The following DENND1B variants were observed in gnomAD, a reference collection of about 807,000 sequenced individuals.
DENND1B encodes the protein DENN domain containing 1B.
In DENND1B, 59 loss-of-function variants were observed where a neutral mutation model predicts 90.1. That is an observed-to-expected ratio of 0.65 (90% confidence interval 0.53 to 0.81). DENND1B has a LOEUF of 0.81. DENND1B is among the 40% of genes least tolerant of loss of function. DENND1B has a pLI of 0.00. For synonymous variants in DENND1B, 337 were observed against 324.6 expected (o/e 1.04, Z -0.41); for missense variants, 862 against 912.6 (o/e 0.94, Z 0.71).
chr1:197,642,649 T>A, intron 10 of DENND1B, 62 bp downstream of exon 10: 1 of 1,202,536 alleles, frequency 8.3e-7, no homozygotes, highest in Non-Finnish European at 1.2e-6. Context: ...TCTGCAAAGG[T>A]TTTTAGGTCT....
intron 2 of DENND1B, among the ~76,000 whole-genome samples, chr1:197,756,239 C>T (rs190135293): frequency 6.6e-6 from 1 of 152,132 alleles, no homozygotes; most frequent in African/African-American, 2.4e-5. Flanking sequence ...CCTACCAGGC[C>T]AGACGCTGTT....
chr1:197,714,063 A>G (rs1044263215), intron 3 of DENND1B, among the ~76,000 whole-genome samples: 9 of 141,708 alleles, frequency 6.4e-5, no homozygotes, highest in Non-Finnish European at 1.4e-4. Context: ...TGCAACCTCC[A>G]CTTCCCAGGT....
chr1:197,552,586 A>G, intron 16 of DENND1B: 1 of 987,888 alleles, frequency 1.0e-6, no homozygotes, highest in Non-Finnish European at 1.2e-6. Context: ...ACAGTTACTT[A>G]AATATGTATA....
intron 14 of DENND1B, among the ~76,000 whole-genome samples, chr1:197,593,786 C>T (rs1370365932): frequency 1.3e-5 from 2 of 152,002 alleles, no homozygotes; most frequent in Admixed American, 6.6e-5. Flanking sequence ...AAGATGAATA[C>T]GTACTTAAAT....
chr1:197,511,503 T>C (rs1668025473), intron 22 of DENND1B, among the ~76,000 whole-genome samples: 1 of 151,678 alleles, frequency 6.6e-6, no homozygotes, highest in South Asian at 2.1e-4. Context: ...ATAATTTCAA[T>C]TAATGACAAT....
intron 10 of DENND1B, among the ~76,000 whole-genome samples, chr1:197,633,286 C>A (rs1209810143): frequency 6.6e-6 from 1 of 152,116 alleles, no homozygotes; most frequent in African/African-American, 2.4e-5. Flanking sequence ...TAGAAGGGTA[C>A]AAACAGAGGC....
chr1:197,716,547 T>C (rs976416479), intron 2 of DENND1B, among the ~76,000 whole-genome samples: 2 of 151,822 alleles, frequency 1.3e-5, no homozygotes, highest in Admixed American at 6.6e-5. Flanking sequence ...TAGACATATA[T>C]TTATATGGCA....
chr1:197,660,245 T>A (rs1161774554), intron 5 of DENND1B, among the ~76,000 whole-genome samples: 1 of 152,028 alleles, frequency 6.6e-6, no homozygotes, highest in Non-Finnish European at 1.5e-5. Context: ...TATTTTATTA[T>A]CTTTGTAGCA....
intron 2 of DENND1B, among the ~76,000 whole-genome samples, chr1:197,759,444 A>G (rs1253572976): frequency 1.3e-5 from 2 of 151,204 alleles, no homozygotes; most frequent in Non-Finnish European, 2.9e-5. Context: ...CACCAAATAT[A>G]TTCAAGATAA....
In DENND1B at chr1:197,775,424, G is replaced by T. The variant is rs926031872; in HGVS notation, c.-269C>A. On this transcript the variant is annotated 5_prime_UTR_variant, in exon 1 of 23. Transcript: ENST00000620048. ...TCCGCCGGTAGCCGCCACCAAAGCT[G>T]AGGCCTCTCAGTTCCTGCGACCGGG... 3 of 310,978 alleles carry T rather than the reference G, an allele frequency of 9.6e-6. No individual in the cohort carries two copies. The highest frequency in any genetic ancestry group is 2.2e-5 in the African/African-American group (1 of 45,570). The allele number at this position is 310,978 out of a possible 1,614,324, so 19.3% of individuals were successfully genotyped here.
chr1:197,611,418 T>C (rs1388584141), intron 12 of DENND1B, among the ~76,000 whole-genome samples: 1 of 150,752 alleles, frequency 6.6e-6, no homozygotes, highest in Non-Finnish European at 1.5e-5. Flanking sequence ...AATTACTAAA[T>C]TTTATATTCC....
At chr1:197,705,285 T>C (rs74366937) in intron 3 of DENND1B, among the ~76,000 whole-genome samples, 2,663 of 152,254 alleles carry the variant, frequency 0.017, 75 homozygotes, top group African/African-American at 0.06. Flanking sequence ...TAGATTCCCA[T>C]GTAAAGCTTG....
chr1:197,513,619 T>G (rs1379920101), intron 20 of DENND1B, among the ~76,000 whole-genome samples: 1 of 151,600 alleles, frequency 6.6e-6, no homozygotes, highest in Non-Finnish European at 1.5e-5. Context: ...TAACAACTTT[T>G]TAAAAAACAT....
intron 2 of DENND1B, among the ~76,000 whole-genome samples, chr1:197,742,603 G>A (rs529304030): frequency 1.3e-5 from 2 of 152,100 alleles, no homozygotes; most frequent in Non-Finnish European, 2.9e-5. Context: ...TAAAAGTTGA[G>A]CAACAGGAAA....
chr1:197,587,948 C>T (rs1674854788), intron 14 of DENND1B, among the ~76,000 whole-genome samples: 1 of 151,938 alleles, frequency 6.6e-6, no homozygotes, highest in African/African-American at 2.4e-5. Flanking sequence ...ACCTAGATCC[C>T]TCACATATGC....
intron 20 of DENND1B, among the ~76,000 whole-genome samples, chr1:197,518,357 A>G (rs1668545419): frequency 6.6e-6 from 1 of 151,892 alleles, no homozygotes; most frequent in South Asian, 2.1e-4. Flanking sequence ...ACTAGAATGG[A>G]ACAAAGAGGT....
chr1:197,591,035 TG>T, intron 14 of DENND1B, among the ~76,000 whole-genome samples: 1 of 152,366 alleles, frequency 6.6e-6, no homozygotes, highest in Middle Eastern at 3.4e-3. Context: ...CATTTATGAC[TG>T]GTTCTGCTGC....
intron 15 of DENND1B, among the ~76,000 whole-genome samples, chr1:197,577,503 G>A (rs1034401320): frequency 3.9e-5 from 6 of 152,118 alleles, no homozygotes; most frequent in African/African-American, 1.4e-4. Flanking sequence ...TTGGGGGAAA[G>A]GTTTGGTTTT....
intron 3 of DENND1B, among the ~76,000 whole-genome samples, chr1:197,713,818 T>TAATA (rs1660263194): frequency 1.4e-5 from 1 of 69,574 alleles, no homozygotes; most frequent in African/African-American, 5.8e-5. Context: ...ATATTATATA[T>TAATA]AATATATTAT....
Sources: allele counts gnomAD v4.1 joint callset (sites outside exome capture counted in the v4.1 genomes callset), GRCh38; gene constraint gnomAD v4.1.1; transcripts MANE v1.5; gene names NCBI Gene and HGNC (gene_info 2026-07-23, HGNC 2026-07-21).